Variants in TRAPPC8 observed in about 807,000 individuals in gnomAD.
TRAPPC8 encodes the protein trafficking protein particle complex subunit 8, also known as general sporulation gene 1 homolog.
In TRAPPC8, 54 loss-of-function variants were observed where a neutral mutation model predicts 174.3. That is an observed-to-expected ratio of 0.31 (90% CI 0.25 to 0.39). The LOEUF is 0.39. Among genes scored for constraint, TRAPPC8 ranks in the 10% least tolerant of loss-of-function variants. TRAPPC8 has a pLI of 1.00. For synonymous variants in TRAPPC8, 630 were observed against 579.9 expected (o/e 1.09, Z -1.24); for missense variants, 1,531 against 1,699.1 (o/e 0.90, Z 1.74).
intron 12 of TRAPPC8, among the ~76,000 whole-genome samples, chr18:31,890,141 T>C (rs569763243): frequency 6.6e-6 from 1 of 152,294 alleles, no homozygotes; most frequent in East Asian, 1.9e-4. Context: ...TTTATATTTA[T>C]AGTAAATCAT....
chr18:31,898,537 T>C (rs889548929), intron 10 of TRAPPC8, among the ~76,000 whole-genome samples: 1 of 152,354 alleles, frequency 6.6e-6, no homozygotes, highest in Non-Finnish European at 1.5e-5. Flanking sequence ...TCACACATTA[T>C]TTCTTTCTCC....
Position 31,908,473 on chromosome 18 carries a change from T to G in TRAPPC8, c.1123-55A>C, listed in dbSNP as rs182236655. 3.2e-3 allele frequency: 4,046 copies of G among 1,247,022 alleles called. 14 individuals are homozygous for G. The highest frequency in any genetic ancestry group is 3.3e-3 in the Non-Finnish European group (3,075 of 920,860). The allele number at this position is 1,247,022 out of a possible 1,614,324, so 77.2% of individuals were successfully genotyped here. A position where few individuals can be genotyped will look rare whatever the true frequency, so the allele number is the denominator to read the frequency against. ...AACAAAGAATTTAGTATTTTTCCTT[T>G]ACATAAAAAAATTTTAACTAAAAAG... is the stretch of plus-strand genomic sequence containing the variant. On this transcript the variant is annotated intron_variant, in intron 7 of 28. Transcript: ENST00000283351.
intron 14 of TRAPPC8, among the ~76,000 whole-genome samples, chr18:31,873,078 C>T (rs2034962913): frequency 2.5e-5 from 3 of 119,692 alleles, no homozygotes; most frequent in Admixed American, 1.2e-4. Context: ...AGTGCAGTGT[C>T]GTGATCTCAG....
chr18:31,927,654 T>C (rs2037674476), intron 2 of TRAPPC8, among the ~76,000 whole-genome samples: 1 of 152,118 alleles, frequency 6.6e-6, no homozygotes, highest in Non-Finnish European at 1.5e-5. Flanking sequence ...CCTCCCACCT[T>C]AGCTTCCCAA....
chr18:31,935,936 G>A (rs1353022069), intron 1 of TRAPPC8, among the ~76,000 whole-genome samples: 5 of 151,000 alleles, frequency 3.3e-5, no homozygotes, highest in Admixed American at 6.6e-5. Context: ...ACGAGGTTTC[G>A]CCATGTTGGC....
At chr18:31,887,956 G>A (rs992953548) in intron 12 of TRAPPC8, among the ~76,000 whole-genome samples, 6 of 152,140 alleles carry the variant, frequency 3.9e-5, no homozygotes, top group Non-Finnish European at 5.9e-5. Flanking sequence ...AAACCCCACT[G>A]TCTCAGCCCA....
In TRAPPC8 at chr18:31,857,973, T is replaced by A. The variant is rs772402099; in HGVS notation, c.2755A>T (p.Ile919Leu). The change falls in exon 20 of 29, where the codon ATA (isoleucine) becomes TTA (leucine). Residue 919 changes from isoleucine to leucine, a missense_variant. Coordinates refer to ENST00000283351, the MANE Select transcript of TRAPPC8 (RefSeq NM_014939.5). ...CAGAGAAGCCCTGTAGGAAAATGTA[T>A]AAAGAACACCTGCATTGGAGGGAAA... ...EEMPLLEVFF[I>L]HFPTGLLCGE... The A allele has an allele frequency of 1.1e-5, 18 of 1,603,320 alleles. No individual in the cohort carries two copies. The highest frequency in any genetic ancestry group is 4.3e-6 in the Non-Finnish European group (5 of 1,174,970).
At chr18:31,895,255 T>A (rs527762331) in intron 11 of TRAPPC8, among the ~76,000 whole-genome samples, 2 of 152,350 alleles carry the variant, frequency 1.3e-5, no homozygotes, top group Non-Finnish European at 2.9e-5. Flanking sequence ...CCTTTCTAGT[T>A]AACAAAATAC....
chr18:31,871,508 T>C (rs1211113714), intron 14 of TRAPPC8, among the ~76,000 whole-genome samples: 1 of 152,038 alleles, frequency 6.6e-6, no homozygotes, highest in Non-Finnish European at 1.5e-5. Context: ...ATAGAGTCGA[T>C]GTCCTCTCTG....
At chr18:31,869,037 G>C (rs925758512) in intron 16 of TRAPPC8, among the ~76,000 whole-genome samples, 17 of 150,154 alleles carry the variant, frequency 1.1e-4, no homozygotes, top group Admixed American at 8.6e-4. Flanking sequence ...AAAGCATTTA[G>C]CAAGGTAGTA....
At chr18:31,872,502 C>G (rs528960057) in intron 14 of TRAPPC8, among the ~76,000 whole-genome samples, 240 of 152,222 alleles carry the variant, frequency 1.6e-3, no homozygotes, top group African/African-American at 5.7e-3. Context: ...CTACTGCAAC[C>G]TCCGCCTCCT....
rs10650702 is a variant in TRAPPC8 at position 31,935,548 on chromosome 18, T to TAAAAAAAAAAAAAA, written c.158-4039_158-4026dup. Among the ~76,000 whole-genome samples the TAAAAAAAAAAAAAA allele has an allele frequency of 2.2e-3, 101 of 46,274 alleles. 12 individuals are homozygous for TAAAAAAAAAAAAAA. The highest frequency in any genetic ancestry group is 0.011 in the African/African-American group (95 of 9,026). 30.4% of individuals were successfully genotyped at this position (46,274 alleles called of 152,430 possible). On this transcript the variant is annotated intron_variant, in intron 1 of 28. Transcript: ENST00000283351. ...GGGCAACAAGAGCGAAACTCCATCT[T>TAAAAAAAAAAAAAA]AAAAAAAAAAAAAAAAAAAAGCAGG...
At chr18:31,855,490 A>T (rs988453629) in intron 21 of TRAPPC8, among the ~76,000 whole-genome samples, 170 bp downstream of exon 21, 4 of 152,226 alleles carry the variant, frequency 2.6e-5, no homozygotes, top group African/African-American at 9.6e-5. Context: ...ACTAAGGGAT[A>T]AAATCACAAA....
intron 27 of TRAPPC8, among the ~76,000 whole-genome samples, chr18:31,836,793 G>C (rs972539922): frequency 7.8e-6 from 1 of 127,788 alleles, no homozygotes; most frequent in South Asian, 2.5e-4. Flanking sequence ...ACAGAGTCTC[G>C]CTCTGTCGCC....
rs80229439 is a variant in TRAPPC8 at position 31,922,040 on chromosome 18, A to T, written c.353-4373T>A. On this transcript the variant is annotated intron_variant, in intron 2 of 28. Coordinates refer to ENST00000283351, the MANE Select transcript of TRAPPC8 (RefSeq NM_014939.5). The stretch of plus-strand genomic sequence containing the variant: ...GTCATTTTTTCTTAAAGTTCATCAT[A>T]AAAGTACTAAAAGAGTAACTGTAAT... Among the ~76,000 whole-genome samples, 1,335 of 152,300 alleles carry T rather than the reference A, an allele frequency of 8.8e-3. 24 individuals are homozygous for T. The highest frequency in any genetic ancestry group is 0.03 in the African/African-American group (1,246 of 41,552).
intron 5 of TRAPPC8, 120 bp from the exon 6 acceptor site, chr18:31,909,880 T>C: frequency 1.6e-6 from 1 of 610,726 alleles, no homozygotes; most frequent in Non-Finnish European, 2.6e-6. Context: ...TTTGCTACAG[T>C]GAGCATTTTC....
At chr18:31,898,028 C>G (rs1335952270) in intron 10 of TRAPPC8, 137 bp from the exon 11 acceptor site, 2 of 619,650 alleles carry the variant, frequency 3.2e-6, no homozygotes, top group African/African-American at 3.7e-5. Flanking sequence ...CTCCAGGATA[C>G]TAAAATCCAA....
chr18:31,839,499 C>A (rs7226615), intron 26 of TRAPPC8, 42 bp from the exon 27 acceptor site: 420,152 of 1,503,646 alleles, frequency 0.28, 63,238 homozygotes, highest in South Asian at 0.52. Flanking sequence ...AAAAACACTA[C>A]CTTGTTTAAA....
At chr18:31,907,660 T>TTTATAATTAA in intron 8 of TRAPPC8, 50 bp from the exon 9 acceptor site, 1 of 1,395,362 alleles carries the variant, frequency 7.2e-7, no homozygotes, top group Non-Finnish European at 9.6e-7. Flanking sequence ...CCCAAACCAT[T>TTTATAATTAA]AAAATTATAA....
Sources: allele counts gnomAD v4.1 joint callset (sites outside exome capture counted in the v4.1 genomes callset), GRCh38; gene constraint gnomAD v4.1.1; transcripts MANE v1.5; gene names NCBI Gene and HGNC (gene_info 2026-07-23, HGNC 2026-07-21).